The following TAB2 variants were observed in gnomAD, a reference collection of about 807,000 sequenced individuals.
The protein encoded by TAB2 is TGF-beta activated kinase 1 (MAP3K7) binding protein 2.
In TAB2, 3 loss-of-function variants were observed where a neutral mutation model predicts 65.0. That is an observed-to-expected ratio of 0.05 (90% confidence interval 0.02 to 0.12). The LOEUF is 0.12. Ranked by LOEUF, TAB2 falls within the 10% of genes least tolerant of loss-of-function variation. The probability of loss-of-function intolerance (pLI) is 1.00; values close to 1 mark genes in which losing one functional copy is unlikely to be tolerated. For missense variants in TAB2, 623 were observed against 840.3 expected (o/e 0.74, Z 3.20); for synonymous variants, 298 against 285.1 (o/e 1.05, Z -0.46).
rs746903925 is a variant in TAB2, at chr6:149,370,976, G to A, written c.102+877G>A. Among the ~76,000 whole-genome samples, 194 of 142,948 alleles carry A rather than the reference G, an allele frequency of 1.4e-3. 1 individual carries two copies. Among genetic ancestry groups the A allele is most frequent in the Non-Finnish European group, 2.4e-3 (161 of 66,584 alleles). The allele number at this position is 142,948 out of a possible 152,430, so 93.8% of individuals were successfully genotyped here. A position where few individuals can be genotyped will look rare whatever the true frequency, so the allele number is the denominator to read the frequency against. ...AGCTACTCAGAAGACTGAAGCATGA[G>A]AATTGCTTGAACCCAGGAGGCAGAG... On this transcript the variant is annotated intron_variant, in intron 2 of 6. Coordinates refer to ENST00000637181, the MANE Select transcript of TAB2 (RefSeq NM_001292034.3).
chr6:149,397,043 G>C (rs1242034250), intron 3 of TAB2, among the ~76,000 whole-genome samples: 1 of 152,194 alleles, frequency 6.6e-6, no homozygotes, highest in African/African-American at 2.4e-5. Context: ...AGAAGCTGTA[G>C]CCTAAAAATG....
chr6:149,403,331 C>CAT (rs1163835321), intron 6 of TAB2, among the ~76,000 whole-genome samples: 2 of 33,744 alleles, frequency 5.9e-5, no homozygotes, highest in South Asian at 1.3e-3. Context: ...CATATATATA[C>CAT]ATATATATAC....
At chr6:149,358,896 A>G (rs573684) in intron 1 of TAB2, among the ~76,000 whole-genome samples, 133,297 of 151,728 alleles carry the variant, frequency 0.88, 58,575 homozygotes, top group Middle Eastern at 0.97. Flanking sequence ...CTTTCTCTGT[A>G]GTCTCAAGTA....
chr6:149,235,705 A>C (rs1363904927), intron 1 of TAB2, among the ~76,000 whole-genome samples: 1 of 152,240 alleles, frequency 6.6e-6, no homozygotes, highest in Non-Finnish European at 1.5e-5. Flanking sequence ...TACAATTAAA[A>C]GAATTCCAGC....
chr6:149,304,532 C>G (rs998920415), intron 1 of TAB2: 1 of 152,252 alleles, frequency 6.6e-6, no homozygotes, highest in Non-Finnish European at 1.5e-5. Flanking sequence ...GCTCACCAGA[C>G]GAAGACATGT....
At chr6:149,382,757 G>A (rs1160074491) in intron 3 of TAB2, among the ~76,000 whole-genome samples, 1 of 151,976 alleles carries the variant, frequency 6.6e-6, no homozygotes, top group Non-Finnish European at 1.5e-5. Flanking sequence ...ACACTGTGGG[G>A]GCCACATGTG....
At chr6:149,341,138 A>G (rs945828481) in intron 1 of TAB2, among the ~76,000 whole-genome samples, 2 of 152,026 alleles carry the variant, frequency 1.3e-5, no homozygotes, top group African/African-American at 2.4e-5. Flanking sequence ...TTAACAAGAG[A>G]TGTGTTGACA....
At chr6:149,370,166 A>C in intron 2 of TAB2, 67 bp downstream of exon 2, 1 of 1,347,200 alleles carries the variant, frequency 7.4e-7, no homozygotes, top group Non-Finnish European at 1.1e-6. Flanking sequence ...TTGGAAGAAA[A>C]ACTCTTTTAG....
chr6:149,249,594 C>G (rs1777818046), intron 1 of TAB2, among the ~76,000 whole-genome samples: 1 of 151,934 alleles, frequency 6.6e-6, no homozygotes, highest in Non-Finnish European at 1.5e-5. Flanking sequence ...GTCTCCCTCT[C>G]TCTTTCTGTC....
intron 3 of TAB2, among the ~76,000 whole-genome samples, chr6:149,394,904 TTTAA>T (rs1198707094): frequency 1.3e-5 from 2 of 152,252 alleles, no homozygotes; most frequent in African/African-American, 4.8e-5. Flanking sequence ...GTCACAACTA[TTTAA>T]TTCTGCTGTT....
intron 1 of TAB2, among the ~76,000 whole-genome samples, chr6:149,270,821 T>A (rs1382345703): frequency 1.3e-5 from 2 of 152,160 alleles, no homozygotes; most frequent in Non-Finnish European, 2.9e-5. Flanking sequence ...CTTCTCTTTT[T>A]TGGATCTAGA....
intron 1 of TAB2, among the ~76,000 whole-genome samples, chr6:149,338,123 C>T (rs138840366): frequency 6.6e-6 from 1 of 152,302 alleles, no homozygotes; most frequent in East Asian, 1.9e-4. Flanking sequence ...TTGTATATTA[C>T]ATAACTCTCC....
chr6:149,333,727 GTGTGTGTGTGTGTGTGTGTCTA>G lies in TAB2; in HGVS notation c.-90+15718_-90+15739del, dbSNP rs1257731400. 2.0e-5 allele frequency among the ~76,000 whole-genome samples: 3 copies of G among 151,432 alleles called. No individual in the cohort carries two copies. In the East Asian group the frequency reaches 5.8e-4, roughly 29 times the overall value. On this transcript the variant is annotated intron_variant, in intron 1 of 6. Coordinates refer to ENST00000637181, the MANE Select transcript of TAB2 (RefSeq NM_001292034.3). ...ATCCATAGTGTGTGTGTGTGTGTGT[GTGTGTGTGTGTGTGTGTGTCTA>G]TGTGTCTGTGTGTACAGATACATAT...
At chr6:149,367,275 C>T (rs538497789) in intron 1 of TAB2, among the ~76,000 whole-genome samples, 2 of 152,102 alleles carry the variant, frequency 1.3e-5, no homozygotes, top group Non-Finnish European at 2.9e-5. Context: ...AGGGATTGGT[C>T]AGGGAAACTG....
Position 149,306,572 on chromosome 6 carries a change from A to C in TAB2, c.-120-71446A>C, listed in dbSNP as rs1197010652. On this transcript the variant is annotated intron_variant, in intron 1 of 1. Transcript: ENST00000606202. ...GACTCCGTCTCAAAAAAAAAAAAAA[A>C]ACAAAAAACAAAAAAAAACACACAC... 5.8e-4 allele frequency among the ~76,000 whole-genome samples: 83 copies of C among 141,890 alleles called. 1 individual carries two copies. Among genetic ancestry groups the C allele is most frequent in the African/African-American group, 2.2e-3 (80 of 36,490 alleles). The allele number at this position is 141,890 out of a possible 152,430, so 93.1% of individuals were successfully genotyped here.
chr6:149,357,419 G>GAAAA (rs1490716055), intron 1 of TAB2, among the ~76,000 whole-genome samples: 2 of 91,884 alleles, frequency 2.2e-5, no homozygotes, highest in Non-Finnish European at 4.1e-5. Flanking sequence ...CCGTCTCAAG[G>GAAAA]AGAAAAAAAA....
At chr6:149,235,944 A>G (rs1197031342) in intron 1 of TAB2, among the ~76,000 whole-genome samples, 1 of 152,188 alleles carries the variant, frequency 6.6e-6, no homozygotes, top group Non-Finnish European at 1.5e-5. Context: ...TTATTCCCCA[A>G]AAGAAAACTA....
chr6:149,288,017 T>C (rs1262622092), intron 1 of TAB2, among the ~76,000 whole-genome samples: 8 of 152,242 alleles, frequency 5.3e-5, no homozygotes, highest in African/African-American at 1.9e-4. Flanking sequence ...GCTTATGATT[T>C]GTTAAATTTT....
chr6:149,293,374 A>ATT, intron 1 of TAB2, among the ~76,000 whole-genome samples: 1 of 152,190 alleles, frequency 6.6e-6, no homozygotes, highest in Admixed American at 6.5e-5. Context: ...TGGAAAGTGC[A>ATT]ATTGAAATTT....
Sources: gnomAD v4.1 joint callset for allele counts (sites outside exome capture counted in the v4.1 genomes callset) on GRCh38, gnomAD v4.1.1 for gene constraint, MANE v1.5 for transcripts, NCBI Gene and HGNC (gene_info 2026-07-23, HGNC 2026-07-21) for gene names.